The following TMBIM4 variants were observed in gnomAD, a reference collection of about 807,000 sequenced individuals.
TMBIM4 encodes the protein protein lifeguard 4.
Under a neutral mutation model 27.7 loss-of-function variants are expected in TMBIM4, and 28 were observed. The observed-to-expected ratio is 1.01, with a 90% CI of 0.75 to 1.38. The LOEUF (loss-of-function observed/expected upper bound fraction) is 1.38, where lower values mean the gene tolerates loss of function less well. TMBIM4 is among the 40% of genes most tolerant of loss of function. The probability of loss-of-function intolerance (pLI) is 0.00; values close to 1 mark genes in which losing one functional copy is unlikely to be tolerated. For synonymous variants in TMBIM4, 115 were observed against 113.1 expected, an observed-to-expected ratio of 1.02 and a Z score of -0.11; for missense variants, 265 against 277.5, an observed-to-expected ratio of 0.95 and a Z score of 0.32.
intron 3 of TMBIM4, among the ~76,000 whole-genome samples, chr12:66,148,228 C>T (rs2051784131): frequency 6.6e-6 from 1 of 152,130 alleles, no homozygotes; most frequent in African/African-American, 2.4e-5. Context: ...GTTTTTCTTA[C>T]TGTGTAATAT....
At chr12:66,158,008 C>T (rs560418186) in intron 1 of TMBIM4, among the ~76,000 whole-genome samples, 8 of 151,910 alleles carry the variant, frequency 5.3e-5, no homozygotes, top group South Asian at 2.1e-4. Context: ...GGGCACATCA[C>T]GAGGTTAGGA....
intron 1 of TMBIM4, among the ~76,000 whole-genome samples, chr12:66,153,668 C>G (rs2051888654): frequency 6.6e-6 from 1 of 151,498 alleles, no homozygotes; most frequent in East Asian, 1.9e-4. Context: ...AAGCATGAGC[C>G]TAAAAAAAAT....
chr12:66,154,399 C>A (rs1191495425), intron 1 of TMBIM4, among the ~76,000 whole-genome samples: 1 of 152,202 alleles, frequency 6.6e-6, no homozygotes, highest in Non-Finnish European at 1.5e-5. Context: ...CATTTCCTTA[C>A]CCCCACCACT....
chr12:66,143,566 C>A (rs1236896971), intron 5 of TMBIM4, among the ~76,000 whole-genome samples: 1 of 152,096 alleles, frequency 6.6e-6, no homozygotes, highest in Admixed American at 6.5e-5. Context: ...GACCAGTTGC[C>A]ACAGTTATCA....
chr12:66,151,058 A>G (rs1386975357), intron 3 of TMBIM4, among the ~76,000 whole-genome samples: 1 of 152,178 alleles, frequency 6.6e-6, no homozygotes, highest in Non-Finnish European at 1.5e-5. Context: ...AGAATTGACA[A>G]TCTTGCAAAC....
At chr12:66,140,129 A>G (rs2051643562) in intron 5 of TMBIM4, among the ~76,000 whole-genome samples, 1 of 152,238 alleles carries the variant, frequency 6.6e-6, no homozygotes, top group Non-Finnish European at 1.5e-5. Flanking sequence ...GGCATGCAAA[A>G]GAATGAAGGA....
chr12:66,165,034 T>C (rs1460438598), intron 1 of TMBIM4, among the ~76,000 whole-genome samples: 1 of 152,054 alleles, frequency 6.6e-6, no homozygotes, highest in East Asian at 1.9e-4. Flanking sequence ...AAGACAAATT[T>C]GAAAACTACA....
chr12:66,152,214 A>T, intron 3 of TMBIM4, 57 bp downstream of exon 3: 1 of 1,086,166 alleles, frequency 9.2e-7, no homozygotes, highest in Non-Finnish European at 1.3e-6. Context: ...TTATATATGC[A>T]TTTATTTAAA....
intron 5 of TMBIM4, among the ~76,000 whole-genome samples, chr12:66,144,168 G>C (rs866036407): frequency 2.0e-5 from 3 of 152,216 alleles, no homozygotes; most frequent in Middle Eastern, 6.8e-3. Flanking sequence ...CTGGAGAATA[G>C]AGAGGCTGGT....
In TMBIM4 at chr12:66,152,445, T is replaced by C. The variant is rs1003268597; in HGVS notation, c.207-69A>G. On this transcript the variant is annotated intron_variant, in intron 2 of 6. Coordinates refer to ENST00000358230, the MANE Select transcript of TMBIM4 (RefSeq NM_016056.4). ...GCATGAGCAGTATTATCAAATTTAA[T>C]AAAATTTATCTATTTTATATGTTTA... The C allele has an allele frequency of 2.3e-5, 24 of 1,048,672 alleles. 1 individual carries two copies. Among genetic ancestry groups the C allele is most frequent in the African/African-American group, 2.3e-4 (14 of 61,606 alleles). The allele number at this position is 1,048,672 out of a possible 1,614,324, so 65.0% of individuals were successfully genotyped here.
At chr12:66,146,781 T>C (rs1319781614) in intron 4 of TMBIM4, among the ~76,000 whole-genome samples, 1 of 152,174 alleles carries the variant, frequency 6.6e-6, no homozygotes, top group East Asian at 1.9e-4. Flanking sequence ...AAATGCTACA[T>C]GATTGGAATT....
intron 1 of TMBIM4, chr12:66,160,969 G>C (rs1380142201): frequency 6.7e-6 from 1 of 150,176 alleles, no homozygotes; most frequent in Non-Finnish European, 1.5e-5. Context: ...GTGGCGGCCG[G>C]GCAGAGGCGC....
Position 66,148,941 on chromosome 12 carries a change from C to T in TMBIM4, c.313-1000G>A, listed in dbSNP as rs374039576. On this transcript the variant is annotated intron_variant, in intron 3 of 6. Coordinates refer to ENST00000358230, the MANE Select transcript of TMBIM4 (RefSeq NM_016056.4). The stretch of plus-strand genomic sequence containing the variant: ...CATCTGATAGACCATATCACAAAGG[C>T]AAAGCCAGAAATAAAGGCAGTGGCT... Among the ~76,000 whole-genome samples the T allele has an allele frequency of 1.5e-4, 23 of 152,236 alleles. No homozygotes were observed. The South Asian group carries it at 4.6e-3, about 30-fold the overall frequency.
intron 1 of TMBIM4, among the ~76,000 whole-genome samples, chr12:66,164,486 C>A (rs1317598429): frequency 1.3e-5 from 2 of 152,190 alleles, no homozygotes; most frequent in Non-Finnish European, 2.9e-5. Context: ...TAAGTACATG[C>A]TCTTATACAA....
chr12:66,146,913 T>C (rs1448307019), intron 4 of TMBIM4, among the ~76,000 whole-genome samples: 1 of 152,162 alleles, frequency 6.6e-6, no homozygotes, highest in Non-Finnish European at 1.5e-5. Flanking sequence ...TTGCAATTAC[T>C]GAGGAAAATA....
intron 3 of TMBIM4, among the ~76,000 whole-genome samples, chr12:66,149,813 G>A (rs756587118): frequency 4.6e-5 from 7 of 152,084 alleles, no homozygotes; most frequent in Non-Finnish European, 1.0e-4. Context: ...CATCATAAAA[G>A]TGGAAAACAT....
At chr12:66,167,471 T>A (rs117433241) in intron 1 of TMBIM4, among the ~76,000 whole-genome samples, 3,088 of 152,324 alleles carry the variant, frequency 0.02, 46 homozygotes, top group Non-Finnish European at 0.03. Flanking sequence ...GGAAAATGTA[T>A]AAATGCCCCA....
chr12:66,169,360 A>G (rs548500152), intron 1 of TMBIM4: 3 of 654,422 alleles, frequency 4.6e-6, no homozygotes, highest in African/African-American at 1.8e-5. Context: ...GGCCCTGCGG[A>G]GAGGAAATAG....
chr12:66,154,751 G>T (rs1351914198), intron 1 of TMBIM4, among the ~76,000 whole-genome samples: 2 of 152,118 alleles, frequency 1.3e-5, no homozygotes, highest in Non-Finnish European at 2.9e-5. Flanking sequence ...TGCTTTGATG[G>T]CATGTCAGCC....
Sources: allele counts gnomAD v4.1 joint callset (sites outside exome capture counted in the v4.1 genomes callset), GRCh38; gene constraint gnomAD v4.1.1; transcripts MANE v1.5; gene names NCBI Gene and HGNC (gene_info 2026-07-23, HGNC 2026-07-21).